Variants in METAP1D observed in about 807,000 individuals in gnomAD.
The protein encoded by METAP1D is methionine aminopeptidase 1D, mitochondrial.
A neutral mutation model predicts 40.5 loss-of-function variants in METAP1D; 31 were observed. That is an observed-to-expected ratio of 0.77 (90% CI 0.58 to 1.03). The LOEUF (loss-of-function observed/expected upper bound fraction) is 1.03, where lower values mean the gene tolerates loss of function less well. Ranked by LOEUF, METAP1D falls within the 50% of genes least tolerant of loss-of-function variation. The pLI, the probability that METAP1D is intolerant of heterozygous loss-of-function variation, is 0.00. For missense variants in METAP1D, 411 were observed against 420.7 expected, an observed-to-expected ratio of 0.98 and a Z score of 0.20; for synonymous variants, 151 against 146.4, an observed-to-expected ratio of 1.03 and a Z score of -0.22.
chr2:172,003,517 T>C (rs1459300354), intron 1 of METAP1D, among the ~76,000 whole-genome samples: 2 of 152,192 alleles, frequency 1.3e-5, no homozygotes, highest in Admixed American at 6.5e-5. Flanking sequence ...GTTCTTGTGA[T>C]AATGAGTGAG....
In METAP1D at chr2:172,065,742, A is replaced by G. The variant is rs201596944; in HGVS notation, c.487A>G (p.Ile163Val). 26 of 1,613,554 alleles carry G rather than the reference A, an allele frequency of 1.6e-5. No homozygotes were observed. The East Asian group carries it at 5.6e-4, about 35-fold the overall frequency. ...TGTAAACAACGTGCTCTGTCATGGT[A>G]TTCCTGACAGGTATTCAGTTCTTAA... ...TSVNNVLCHG[I>V]PDSRPLQDGD... is the part of the protein sequence containing the mutation. The change falls in exon 4 of 10, where the codon ATT (isoleucine) becomes GTT (valine). Residue 163 changes from isoleucine (I) to valine (V), a missense_variant. Physicochemically the swap from Ile to Val is conservative, Grantham distance 29 (BLOSUM62 3). Transcript: ENST00000315796.
At position 172,042,719 on chromosome 2, in the gene METAP1D, G is replaced by A. The variant is rs1168705712; in HGVS notation, c.41-18779G>A. Among the ~76,000 whole-genome samples, 4 of 9,726 alleles carry A rather than the reference G, an allele frequency of 4.1e-4. 1 individual carries two copies. The highest frequency in any genetic ancestry group is 1.8e-3 in the Non-Finnish European group (4 of 2,222). 6.4% of individuals were successfully genotyped at this position (9,726 alleles called of 152,430 possible). On this transcript the variant is annotated intron_variant, in intron 1 of 9. Coordinates refer to ENST00000315796, the MANE Select transcript of METAP1D (RefSeq NM_199227.3). ...CACATATACGTGTGTGTGTGTATATGTGTACACATATACGTGTGTGTGTGT... is the reference window on the plus strand; with the variant it reads ...CACATATACGTGTGTGTGTGTATATATGTACACATATACGTGTGTGTGTGT...
chr2:172,040,580 T>C (rs1689496118), intron 1 of METAP1D, among the ~76,000 whole-genome samples: 1 of 152,138 alleles, frequency 6.6e-6, no homozygotes, highest in South Asian at 2.1e-4. Context: ...TCAAACTAAA[T>C]ACACAGCGTT....
At chr2:172,077,317 G>C (rs1450152342) in intron 6 of METAP1D, among the ~76,000 whole-genome samples, 2 of 152,162 alleles carry the variant, frequency 1.3e-5, no homozygotes, top group Non-Finnish European at 2.9e-5. Context: ...AGCAGAAAAA[G>C]GGAACCATAG....
Position 172,080,268 on chromosome 2 carries a change from G to T in METAP1D, c.930-60G>T. The T allele has an allele frequency of 2.5e-6, 4 of 1,613,806 alleles. No homozygotes were observed. In the South Asian group the frequency reaches 4.4e-5, roughly 18 times the overall value. ...GGGAAAGGAAGATTGGTCCGACGGC[G>T]CGCTTGTGGCCCGGCCGGAGCTTGC... On this transcript the variant is annotated intron_variant, in intron 9 of 9. Coordinates refer to ENST00000315796, the MANE Select transcript of METAP1D (RefSeq NM_199227.3).
chr2:172,010,353 G>A (rs1223892264), intron 1 of METAP1D, among the ~76,000 whole-genome samples: 1 of 150,868 alleles, frequency 6.6e-6, no homozygotes, highest in Non-Finnish European at 1.5e-5. Context: ...TGTTGCCCAG[G>A]CTGGCTTTGA....
rs1688419378 is a variant in METAP1D at position 171,999,997 on chromosome 2, C to T, written c.28C>T (p.Leu10Phe). 8 of 1,343,042 alleles carry T rather than the reference C, an allele frequency of 6.0e-6. No individual in the cohort carries two copies. Among genetic ancestry groups the T allele is most frequent in the Non-Finnish European group, 5.8e-6 (6 of 1,039,022 alleles). 83.2% of individuals were successfully genotyped at this position (1,343,042 alleles called of 1,614,324 possible). A position where few individuals can be genotyped will look rare whatever the true frequency, so the allele number is the denominator to read the frequency against. MAAPSGVHL[L>F]VRRGSHRIFS... Reference sequence around the variant, plus strand: ...GGCGGCGCCCAGTGGCGTCCACCTGCTCGTCCGCAGAGGTAAGCGCGTGGA... The same window carrying T: ...GGCGGCGCCCAGTGGCGTCCACCTGTTCGTCCGCAGAGGTAAGCGCGTGGA... Residue 10 changes from leucine (L) to phenylalanine (F), a missense_variant, in exon 1 of 10, where the codon CTC becomes TTC. Transcript: ENST00000315796.
At chr2:172,042,439 ATGTGTACATGCG>A (rs1689582265) in intron 1 of METAP1D, among the ~76,000 whole-genome samples, 10 of 51,904 alleles carry the variant, frequency 1.9e-4, no homozygotes, top group African/African-American at 7.9e-4. Flanking sequence ...ATACATATGT[ATGTGTACATGCG>A]TACATATATA....
Position 172,034,986 on chromosome 2 carries a change from C to CTTTT in METAP1D, c.41-26501_41-26498dup, listed in dbSNP as rs66853451. On this transcript the variant is annotated intron_variant, in intron 1 of 9. Coordinates refer to ENST00000315796, the MANE Select transcript of METAP1D (RefSeq NM_199227.3). ...AAACCCTGATTGTTAGAATTTTTTT[C>CTTTT]TTTTTTTTTTTTTTGTTGTTTTATT... Among the ~76,000 whole-genome samples the CTTTT allele has an allele frequency of 2.6e-3, 353 of 135,582 alleles. 3 individuals are homozygous for CTTTT. Among genetic ancestry groups the CTTTT allele is most frequent in the East Asian group, 0.01 (49 of 4,790 alleles). The allele number at this position is 135,582 out of a possible 152,430, so 88.9% of individuals were successfully genotyped here. A position where few individuals can be genotyped will look rare whatever the true frequency, so the allele number is the denominator to read the frequency against.
At chr2:172,051,512 A>G (rs1689883538) in intron 1 of METAP1D, among the ~76,000 whole-genome samples, 1 of 152,224 alleles carries the variant, frequency 6.6e-6, no homozygotes, top group African/African-American at 2.4e-5. Flanking sequence ...CATTGATGTT[A>G]TACTCTATCA....
intron 1 of METAP1D, among the ~76,000 whole-genome samples, chr2:172,027,049 G>C (rs1467152963): frequency 3.9e-5 from 6 of 152,156 alleles, no homozygotes; most frequent in Non-Finnish European, 8.8e-5. Context: ...AATGAGGTTG[G>C]ATATGCCAAG....
At chr2:172,030,857 T>C (rs1251435293) in intron 1 of METAP1D, among the ~76,000 whole-genome samples, 1 of 152,238 alleles carries the variant, frequency 6.6e-6, no homozygotes, top group Non-Finnish European at 1.5e-5. Flanking sequence ...CTCACATGTA[T>C]GTATGTCTCA....
chr2:172,023,711 T>C (rs573491491), intron 1 of METAP1D, among the ~76,000 whole-genome samples: 205 of 152,274 alleles, frequency 1.3e-3, no homozygotes, highest in Non-Finnish European at 2.0e-3. Flanking sequence ...TGAATACTGA[T>C]CTTGATCTTT....
intron 1 of METAP1D, among the ~76,000 whole-genome samples, chr2:172,030,090 A>ATTT (rs201221974): frequency 7.1e-6 from 1 of 140,118 alleles, no homozygotes; most frequent in African/African-American, 2.6e-5. Context: ...TTATTTATTT[A>ATTT]TTTATTTATT....
chr2:172,055,877 G>A (rs1211132822), intron 1 of METAP1D, among the ~76,000 whole-genome samples: 2 of 152,204 alleles, frequency 1.3e-5, no homozygotes, highest in African/African-American at 4.8e-5. Flanking sequence ...ATCCAGTCAT[G>A]TGTGGGTGTG....
At chr2:172,064,594 T>G (rs1320103755) in intron 3 of METAP1D, among the ~76,000 whole-genome samples, 3 of 146,948 alleles carry the variant, frequency 2.0e-5, no homozygotes, top group African/African-American at 7.6e-5. Context: ...TACTCCAGTC[T>G]GGGCAACAGA....
chr2:172,060,929 A>G (rs1185887171), intron 1 of METAP1D, among the ~76,000 whole-genome samples: 3 of 152,124 alleles, frequency 2.0e-5, no homozygotes, highest in African/African-American at 7.2e-5. Flanking sequence ...AGTACTTCAA[A>G]CCCTATATTC....
intron 1 of METAP1D, among the ~76,000 whole-genome samples, chr2:172,025,472 G>A (rs1689102131): frequency 6.6e-6 from 1 of 152,026 alleles, no homozygotes; most frequent in Non-Finnish European, 1.5e-5. Flanking sequence ...GGGACTACAG[G>A]CAAGTGCCAC....
chr2:172,058,098 C>G (rs943485443), intron 1 of METAP1D, among the ~76,000 whole-genome samples: 5 of 152,024 alleles, frequency 3.3e-5, no homozygotes, highest in African/African-American at 4.8e-5. Context: ...GCTGGACTGA[C>G]TCCTGAGTAG....
Sources: allele counts gnomAD v4.1 joint callset (sites outside exome capture counted in the v4.1 genomes callset), GRCh38; gene constraint gnomAD v4.1.1; transcripts MANE v1.5; gene names NCBI Gene and HGNC (gene_info 2026-07-23, HGNC 2026-07-21).